Variants in KIAA1217 observed in about 807,000 individuals in gnomAD.
The protein encoded by KIAA1217 is KIAA1217.
Under a neutral mutation model 163.9 loss-of-function variants are expected in KIAA1217, and 88 were observed. The observed-to-expected ratio is 0.54, with a 90% CI of 0.45 to 0.64. The LOEUF (loss-of-function observed/expected upper bound fraction) is 0.64, where lower values mean the gene tolerates loss of function less well. Among genes scored for constraint, KIAA1217 ranks in the 30% least tolerant of loss-of-function variants. The probability of loss-of-function intolerance (pLI) is 0.00; values close to 1 mark genes in which losing one functional copy is unlikely to be tolerated. For synonymous variants in KIAA1217, 903 were observed against 923.1 expected (o/e 0.98, Z 0.39); for missense variants, 2,372 against 2,475.0 (o/e 0.96, Z 0.88).
intron 9 of KIAA1217, among the ~76,000 whole-genome samples, chr10:24,504,684 T>A (rs2068109550): frequency 6.6e-6 from 1 of 152,194 alleles, no homozygotes; most frequent in African/African-American, 2.4e-5. Flanking sequence ...TATAAAATAG[T>A]GAAACTGAAT....
At chr10:24,501,990 C>G (rs1020093138) in intron 9 of KIAA1217, among the ~76,000 whole-genome samples, 1 of 151,964 alleles carries the variant, frequency 6.6e-6, no homozygotes, top group African/African-American at 2.4e-5. Flanking sequence ...ACCTCGTGAT[C>G]CACCTGCCTC....
At chr10:24,435,201 ATAC>A (rs1322151678) in intron 4 of KIAA1217, among the ~76,000 whole-genome samples, 1 of 152,268 alleles carries the variant, frequency 6.6e-6, no homozygotes, top group African/African-American at 2.4e-5. Flanking sequence ...CAAGGTATAG[ATAC>A]TACATCTGTT....
intron 1 of KIAA1217, among the ~76,000 whole-genome samples, chr10:23,804,398 G>A (rs1836637269): frequency 1.3e-5 from 2 of 152,196 alleles, no homozygotes; most frequent in Non-Finnish European, 2.9e-5. Flanking sequence ...GCTTTAGAAT[G>A]TTTTGAATTT....
chr10:23,704,493 A>C (rs968508153), intron 1 of KIAA1217, among the ~76,000 whole-genome samples: 4 of 151,860 alleles, frequency 2.6e-5, no homozygotes, highest in African/African-American at 9.7e-5. Context: ...AAAACTGCTC[A>C]TCTACTTTCT....
At chr10:24,460,407 G>C (rs1195420765) in intron 5 of KIAA1217, among the ~76,000 whole-genome samples, 1 of 152,146 alleles carries the variant, frequency 6.6e-6, no homozygotes, top group Non-Finnish European at 1.5e-5. Context: ...GGAGCAGGCG[G>C]CTCTTCTGAA....
chr10:24,406,307 G>A (rs181962916), intron 3 of KIAA1217, among the ~76,000 whole-genome samples: 31 of 152,158 alleles, frequency 2.0e-4, no homozygotes, highest in African/African-American at 7.2e-4. Flanking sequence ...ACAAATCTAT[G>A]GATGTCCTAT....
chr10:23,696,220 T>C (rs1836028308), intron 1 of KIAA1217, among the ~76,000 whole-genome samples: 1 of 152,230 alleles, frequency 6.6e-6, no homozygotes. Context: ...TCTTGGAATC[T>C]GCCCTCGTCC....
intron 1 of KIAA1217, among the ~76,000 whole-genome samples, chr10:23,941,851 G>C (rs1304248867): frequency 6.6e-6 from 1 of 152,030 alleles, no homozygotes; most frequent in African/African-American, 2.4e-5. Flanking sequence ...CAAACCTTAG[G>C]AATCAATTCT....
chr10:24,228,694 G>C (rs1564304606), intron 2 of KIAA1217, among the ~76,000 whole-genome samples: 1 of 152,102 alleles, frequency 6.6e-6, no homozygotes, highest in Non-Finnish European at 1.5e-5. Context: ...CTTGGTTCTA[G>C]TACCCACTGG....
chr10:24,366,055 G>A lies in KIAA1217; in HGVS notation c.355-14814G>A, dbSNP rs142652922. On this transcript the variant is annotated intron_variant, in intron 2 of 20. Coordinates refer to ENST00000376454, the MANE Select transcript of KIAA1217 (RefSeq NM_019590.5). The stretch of plus-strand genomic sequence containing the variant: ...CCCCACTGGCAGATATTGGGCACAA[G>A]AGGAAGTCACTCTTCTTGCATGAGG... Among the ~76,000 whole-genome samples, 774 of 152,300 alleles carry A rather than the reference G, an allele frequency of 5.1e-3. 5 individuals are homozygous for A. Among genetic ancestry groups the A allele is most frequent in the Non-Finnish European group, 8.3e-3 (562 of 68,026 alleles).
intron 1 of KIAA1217, among the ~76,000 whole-genome samples, chr10:23,789,588 G>A (rs1835646143): frequency 6.6e-6 from 1 of 152,022 alleles, no homozygotes; most frequent in African/African-American, 2.4e-5. Context: ...TGAAGCCTTG[G>A]CAAGATACAT....
intron 1 of KIAA1217, among the ~76,000 whole-genome samples, chr10:23,777,004 T>TAA (rs1266845901): frequency 6.6e-6 from 1 of 152,196 alleles, no homozygotes; most frequent in African/African-American, 2.4e-5. Context: ...ACTTTTTCTT[T>TAA]CTTTAAGCAT....
At position 24,163,753 on chromosome 10, in the gene KIAA1217, G is replaced by A. The variant is rs550153516; in HGVS notation, c.-170-55873G>A. ...TTCATTCTCCCATTACCTAGTGGCT[G>A]GTGTTTGCATGGGTGGCAATTTGGC... On this transcript the variant is annotated intron_variant, in intron 2 of 18. Transcript: ENST00000376462. 2.0e-5 allele frequency among the ~76,000 whole-genome samples: 3 copies of A among 152,292 alleles called. No homozygotes were observed. In the South Asian group the frequency reaches 6.2e-4, roughly 32 times the overall value.
At chr10:24,148,348 C>A (rs992533538) in intron 2 of KIAA1217, among the ~76,000 whole-genome samples, 4 of 151,744 alleles carry the variant, frequency 2.6e-5, no homozygotes, top group African/African-American at 7.3e-5. Context: ...TAAAAAAAAA[C>A]CTAAAGTTAA....
chr10:24,487,678 T>A (rs1484715983), intron 6 of KIAA1217, among the ~76,000 whole-genome samples: 1 of 152,198 alleles, frequency 6.6e-6, no homozygotes, highest in African/African-American at 2.4e-5. Flanking sequence ...AATGTGTCTG[T>A]CTTCCTGCAC....
At position 24,067,881 on chromosome 10, in the gene KIAA1217, T is replaced by G. The variant is rs146950353; in HGVS notation, c.-171+60507T>G. Among the ~76,000 whole-genome samples the G allele has an allele frequency of 1.7e-3, 265 of 152,256 alleles. 4 individuals carry two copies. In the East Asian group the frequency reaches 0.032, roughly 18 times the overall value. On this transcript the variant is annotated intron_variant, in intron 2 of 18. Transcript: ENST00000376462. ...CCCAGCCTCACTGCTGCCTTACAGT[T>G]TGATCTCAGACTGCTGTGCTAGCAA...
At chr10:24,174,495 A>G (rs1172351700) in intron 2 of KIAA1217, among the ~76,000 whole-genome samples, 2 of 152,180 alleles carry the variant, frequency 1.3e-5, no homozygotes, top group Non-Finnish European at 2.9e-5. Context: ...GGATTAACCA[A>G]GAAAGGCTTT....
intron 2 of KIAA1217, among the ~76,000 whole-genome samples, chr10:24,184,034 C>G (rs761546164): frequency 3.3e-5 from 5 of 152,200 alleles, no homozygotes; most frequent in Non-Finnish European, 7.3e-5. Flanking sequence ...GAGTGACACT[C>G]ACACTTTAAA....
At chr10:23,964,746 G>A (rs1589152014) in intron 1 of KIAA1217, among the ~76,000 whole-genome samples, 2 of 151,942 alleles carry the variant, frequency 1.3e-5, no homozygotes, top group Non-Finnish European at 2.9e-5. Flanking sequence ...TAGTAGAGAC[G>A]GGGTTTCACC....
Sources: allele counts gnomAD v4.1 joint callset (sites outside exome capture counted in the v4.1 genomes callset), GRCh38; gene constraint gnomAD v4.1.1; transcripts MANE v1.5; gene names NCBI Gene and HGNC (gene_info 2026-07-23, HGNC 2026-07-21).